Variants in AKR1E2 observed in about 807,000 individuals in gnomAD.
The protein encoded by AKR1E2 is aldo-keto reductase family 1 member E2, also known as 1,5-anhydro-D-fructose reductase.
Under a neutral mutation model 41.9 loss-of-function variants are expected in AKR1E2, and 43 were observed. The ratio of observed to expected loss-of-function variants is 1.03; its 90% confidence interval spans 0.80 to 1.32. AKR1E2 has a LOEUF of 1.32. Ranked by LOEUF, AKR1E2 falls within the 40% of genes most tolerant of loss-of-function variation. The probability of loss-of-function intolerance (pLI) is 0.00; values close to 1 mark genes in which losing one functional copy is unlikely to be tolerated. For synonymous variants in AKR1E2, 121 were observed against 138.9 expected (o/e 0.87, Z 0.91); for missense variants, 423 against 396.5 (o/e 1.07, Z -0.57).
At chr10:4,850,529 C>A (rs1052234354), downstream of AKR1E2, among the ~76,000 whole-genome samples, 1 of 152,126 alleles carries the variant, frequency 6.6e-6, no homozygotes, top group South Asian at 2.1e-4. Context: ...CAACTGTTTC[C>A]CAAAGTGCAC....
At chr10:4,860,883 T>C in the AKR1E2 span, among the ~76,000 whole-genome samples, 1 of 152,214 alleles carries the variant, frequency 6.6e-6, no homozygotes. Flanking sequence ...ACGGTTTTCA[T>C]GGCAGTCAAC....
chr10:4,844,322 T>C (rs571385152), intron 8 of AKR1E2, among the ~76,000 whole-genome samples: 2 of 152,140 alleles, frequency 1.3e-5, no homozygotes, highest in East Asian at 1.9e-4. Context: ...TCAGGAGTGA[T>C]GCTGCAGACC....
chr10:4,855,921 G>A, the AKR1E2 span, among the ~76,000 whole-genome samples: 1 of 152,110 alleles, frequency 6.6e-6, no homozygotes, highest in African/African-American at 2.4e-5. Flanking sequence ...TCTAGATAAG[G>A]CCTGGGGACA....
chr10:4,837,845 G>A (rs1360101195), intron 5 of AKR1E2, among the ~76,000 whole-genome samples: 1 of 152,198 alleles, frequency 6.6e-6, no homozygotes, highest in Non-Finnish European at 1.5e-5. Flanking sequence ...GTCACCAGGT[G>A]TACTCAGAAG....
At chr10:4,839,307 ATC>A (rs965871439) in intron 5 of AKR1E2, among the ~76,000 whole-genome samples, 1 of 152,216 alleles carries the variant, frequency 6.6e-6, no homozygotes, top group Non-Finnish European at 1.5e-5. Context: ...TCAAACAAAA[ATC>A]TCTATCTTCA....
intron 1 of AKR1E2, among the ~76,000 whole-genome samples, chr10:4,829,093 C>T (rs1369271723): frequency 6.6e-6 from 1 of 152,106 alleles, no homozygotes; most frequent in Non-Finnish European, 1.5e-5. Context: ...GCACAGTGGC[C>T]ATTCTTGTTT....
chr10:4,855,069 G>T, the AKR1E2 span, among the ~76,000 whole-genome samples: 3 of 152,120 alleles, frequency 2.0e-5, no homozygotes, highest in East Asian at 5.8e-4. Flanking sequence ...GGAAAAGATC[G>T]CTTCATGACC....
Position 4,839,728 on chromosome 10 carries a change from GATTGAGTGCCACCC to G in AKR1E2, c.585_598del (p.Glu196SerfsTer28). On this transcript the variant is annotated frameshift_variant and splice_region_variant, in exon 6 of 10. Coordinates refer to ENST00000298375, the MANE Select transcript of AKR1E2 (RefSeq NM_001040177.3). LOFTEE classifies it high-confidence loss of function. The stretch of plus-strand genomic sequence containing the variant: ...TTATGTAAGCTATGATTCTGTTATA[GATTGAGTGCCACCC>G]ATATCTTACTCAGAAGAATCTGATC... 1.2e-6 allele frequency: 2 copies of G among 1,612,950 alleles called. No individual in the cohort carries two copies. The highest frequency in any genetic ancestry group is 1.1e-5 in the South Asian group (1 of 91,048).
the AKR1E2 span, among the ~76,000 whole-genome samples, chr10:4,866,702 G>A: frequency 1.3e-5 from 2 of 148,224 alleles, no homozygotes; most frequent in South Asian, 2.2e-4. Flanking sequence ...GTGCAGTGGC[G>A]CCATCTCGGC....
At chr10:4,858,917 T>G in the AKR1E2 span, among the ~76,000 whole-genome samples, 38,806 of 148,992 alleles carry the variant, frequency 0.26, 5,202 homozygotes, top group Middle Eastern at 0.37. Context: ...TTCGCCTCCC[T>G]GGTTCAAGTG....
At chr10:4,858,345 A>AT in the AKR1E2 span, among the ~76,000 whole-genome samples, 2 of 152,208 alleles carry the variant, frequency 1.3e-5, no homozygotes, top group African/African-American at 4.8e-5. Flanking sequence ...AGACCCACTC[A>AT]TTTATTTCTT....
At chr10:4,851,327 T>C (rs79396784), downstream of AKR1E2, among the ~76,000 whole-genome samples, 926 of 152,310 alleles carry the variant, frequency 6.1e-3, 12 homozygotes, top group Non-Finnish European at 7.2e-3. Context: ...TCCACCATAC[T>C]GTGGTCATTG....
chr10:4,868,472 G>A, the AKR1E2 span, among the ~76,000 whole-genome samples: 1 of 152,182 alleles, frequency 6.6e-6, no homozygotes, highest in Non-Finnish European at 1.5e-5. Context: ...ACATAAGCCC[G>A]TGGAATTTTC....
chr10:4,850,893 T>A (rs1278197455), downstream of AKR1E2, among the ~76,000 whole-genome samples: 3 of 152,238 alleles, frequency 2.0e-5, no homozygotes, highest in Non-Finnish European at 4.4e-5. Context: ...TATTTCTCCA[T>A]CTTTTCTCTT....
At chr10:4,841,703 T>C in intron 6 of AKR1E2, 82 bp from the exon 7 acceptor site, 2 of 1,090,104 alleles carry the variant, frequency 1.8e-6, no homozygotes, top group Non-Finnish European at 2.6e-6. Context: ...TCTTTCATTT[T>C]GGACAAAGAT....
intron 4 of AKR1E2, 68 bp from the exon 5 acceptor site, chr10:4,837,391 G>A: frequency 4.4e-6 from 7 of 1,585,054 alleles, no homozygotes; most frequent in Non-Finnish European, 5.2e-6. Context: ...ATACAGAACT[G>A]CTGAGGGACG....
intron 9 of AKR1E2, 93 bp downstream of exon 9, chr10:4,847,323 T>A (rs1404838012): frequency 6.3e-7 from 1 of 1,576,872 alleles, no homozygotes; most frequent in East Asian, 2.3e-5. Context: ...ACATTTTAGA[T>A]TAATTAAACT....
the AKR1E2 span, among the ~76,000 whole-genome samples, chr10:4,863,676 G>A: frequency 6.6e-6 from 1 of 151,558 alleles, no homozygotes; most frequent in Non-Finnish European, 1.5e-5. Flanking sequence ...CCAGGAGCTG[G>A]TTTTTTGAAA....
chr10:4,854,429 A>G, the AKR1E2 span, among the ~76,000 whole-genome samples: 1 of 151,826 alleles, frequency 6.6e-6, no homozygotes, highest in African/African-American at 2.4e-5. Flanking sequence ...CTTTCACTTT[A>G]CTCTGTGGAC....
Sources: gnomAD v4.1 joint callset for allele counts (sites outside exome capture counted in the v4.1 genomes callset) on GRCh38, gnomAD v4.1.1 for gene constraint, MANE v1.5 for transcripts, NCBI Gene and HGNC (gene_info 2026-07-23, HGNC 2026-07-21) for gene names.